The following FOXRED1 variants were observed in gnomAD, a reference collection of about 807,000 sequenced individuals.
FOXRED1 encodes the protein FAD dependent oxidoreductase domain containing 1.
A neutral mutation model predicts 57.8 loss-of-function variants in FOXRED1; 52 were observed. The observed-to-expected ratio is 0.90, with a 90% CI of 0.72 to 1.13. The LOEUF (loss-of-function observed/expected upper bound fraction) is 1.13, where lower values mean the gene tolerates loss of function less well. Among genes scored for constraint, FOXRED1 ranks in the 50% most tolerant of loss-of-function variants. FOXRED1 has a pLI of 0.00. For missense variants in FOXRED1, 589 were observed against 625.2 expected (o/e 0.94, Z 0.62); for synonymous variants, 271 against 248.3 (o/e 1.09, Z -0.86).
Position 126,274,999 on chromosome 11 carries a change from G to A in FOXRED1, c.609G>A (p.Glu203=). 2.5e-6 allele frequency: 4 copies of A among 1,613,258 alleles called. No individual in the cohort carries two copies. The highest frequency in any genetic ancestry group is 2.5e-6 in the Non-Finnish European group (3 of 1,179,222). Residue 203 remains glutamate (E), a synonymous_variant, in exon 5 of 11, where the codon GAG becomes GAA. Coordinates refer to ENST00000263578, the MANE Select transcript of FOXRED1 (RefSeq NM_017547.4). The surrounding 1 kb of genome is among the most constrained non-coding windows in gnomAD (Gnocchi z 4.8). ...LRNKFPWINT[E]GVALASYGME... ...ACAAGTTTCCCTGGATAAACACAGA[G>A]GGAGTGGCTTTGGCGTCTTATGGTG...
intron 1 of FOXRED1, among the ~76,000 whole-genome samples, chr11:126,269,851 G>C (rs529665521): frequency 6.6e-6 from 1 of 151,978 alleles, no homozygotes; most frequent in East Asian, 1.9e-4. Context: ...GCTAGGTGTG[G>C]TGGTGGGCTC....
chr11:126,274,331 C>T lies in FOXRED1; in HGVS notation c.537-596C>T, dbSNP rs116038996. ...TGGATCCAGGCAGGAGTGGAGGGAA[C>T]AAGGTTACCACCTTGTTGTGAAAGT... On this transcript the variant is annotated intron_variant, in intron 4 of 10. Transcript: ENST00000263578. This position sits in a 1 kb window ranked among gnomAD's most constrained non-coding sequence, Gnocchi z 4.8. 545 of 170,288 alleles carry T rather than the reference C, an allele frequency of 3.2e-3. 2 individuals are homozygous for T. The highest frequency in any genetic ancestry group is 0.012 in the African/African-American group (517 of 41,794). 10.5% of individuals were successfully genotyped at this position (170,288 alleles called of 1,614,324 possible).
rs536400690 is a variant in FOXRED1, at chr11:126,275,327, G to C, written c.632G>C (p.Gly211Ala). Residue 211 changes from glycine to alanine, a missense_variant and splice_region_variant, in exon 6 of 11, where the codon GGG becomes GCG. By Grantham distance (60) the Gly-to-Ala change is moderately conservative (BLOSUM62 0). Coordinates refer to ENST00000263578, the MANE Select transcript of FOXRED1 (RefSeq NM_017547.4). The surrounding 1 kb of genome is among the most constrained non-coding windows in gnomAD (Gnocchi z 5.9). ...NTEGVALASY[G>A]MEDEGWFDPW... The stretch of plus-strand genomic sequence containing the variant: ...GTGAGTTCTCTTTTTCTTATCACAG[G>C]GATGGAGGACGAAGGTTGGTTTGAC... 236 of 1,607,868 alleles carry C rather than the reference G, an allele frequency of 1.5e-4. 2 individuals are homozygous for C. In the South Asian group the frequency reaches 2.4e-3, roughly 16 times the overall value.
At position 126,271,943 on chromosome 11, in the gene FOXRED1, T is replaced by C. The variant is rs1228061359; in HGVS notation, c.306+286T>C. The C allele has an allele frequency of 4.9e-6, 2 of 410,646 alleles. No homozygotes were observed. The highest frequency in any genetic ancestry group is 3.7e-5 in the Admixed American group (1 of 27,150). 25.4% of individuals were successfully genotyped at this position (410,646 alleles called of 1,614,324 possible). A position where few individuals can be genotyped will look rare whatever the true frequency, so the allele number is the denominator to read the frequency against. ...ATGAGAGCCTGCATTCAAGCTATAATTAAGTGTCTCAATTTTCTCTTTTTT... is the reference window on the plus strand; with the variant it reads ...ATGAGAGCCTGCATTCAAGCTATAACTAAGTGTCTCAATTTTCTCTTTTTT... On this transcript the variant is annotated intron_variant, in intron 2 of 10. Transcript: ENST00000263578. The surrounding 1 kb of genome is among the most constrained non-coding windows in gnomAD (Gnocchi z 5.3).
Position 126,277,377 on chromosome 11 carries a change from T to C in FOXRED1, c.1207-58T>C. 1 of 1,600,270 alleles carries C rather than the reference T, an allele frequency of 6.2e-7. No individual in the cohort carries two copies. Among genetic ancestry groups the C allele is most frequent in the Non-Finnish European group, 8.6e-7 (1 of 1,169,536 alleles). ...ACTCTGTGCTGAGCCCTGAGGGGAG[T>C]GAGGATGGAGTGTGGCTACAGCCTT... On this transcript the variant is annotated intron_variant, in intron 10 of 10. Transcript: ENST00000263578. The surrounding 1 kb of genome is among the most constrained non-coding windows in gnomAD (Gnocchi z 6.8).
rs149883459 is a variant in FOXRED1 at position 126,269,216 on chromosome 11, A to C, written c.10A>C (p.Arg4=). 6.8e-6 allele frequency: 11 copies of C among 1,613,422 alleles called. No individual in the cohort carries two copies. In the African/African-American group the frequency reaches 9.3e-5, roughly 14 times the overall value. The change falls in exon 1 of 11, where the codon AGG becomes CGG. Residue 4 remains arginine, a synonymous_variant. Coordinates refer to ENST00000263578, the MANE Select transcript of FOXRED1 (RefSeq NM_017547.4). The part of the protein sequence containing the change: MIR[R]VLPHGMGRGL... The stretch of plus-strand genomic sequence containing the variant: ...CGGGCTCAGAGGGGTTATGATTCGG[A>C]GGGTTCTGCCGCACGGCATGGGCCG...
chr11:126,276,705 G>A (rs1050170082), intron 9 of FOXRED1, among the ~76,000 whole-genome samples, 182 bp downstream of exon 9: 5 of 151,658 alleles, frequency 3.3e-5, no homozygotes, highest in African/African-American at 7.3e-5. Flanking sequence ...GCAAAACCCC[G>A]TCTCTACTAA....
chr11:126,273,056 G>T lies in FOXRED1; in HGVS notation c.394G>T (p.Ala132Ser). Residue 132 changes from alanine (A) to serine (S), a missense_variant, in exon 3 of 11, where the codon GCC becomes TCC. Coordinates refer to ENST00000263578, the MANE Select transcript of FOXRED1 (RefSeq NM_017547.4). The surrounding 1 kb of genome is among the most constrained non-coding windows in gnomAD (Gnocchi z 5.9). ...PENIQLSLFSASFLRNINEYL... is the reference protein window; with the variant it reads ...PENIQLSLFSSSFLRNINEYL... ...GAACATCCAGCTCTCCCTCTTTTCA[G>T]CCAGCTTTCTACGGAACATCAATGT... 6.3e-7 allele frequency: 1 copy of T among 1,595,212 alleles called. No individual in the cohort carries two copies. Among genetic ancestry groups the T allele is most frequent in the Non-Finnish European group, 8.6e-7 (1 of 1,162,752 alleles).
rs1951052090 is a variant in FOXRED1 at position 126,273,602 on chromosome 11, C to T, written c.536+148C>T. 1.4e-6 allele frequency: 1 copy of T among 697,162 alleles called. No homozygotes were observed. Among genetic ancestry groups the T allele is most frequent in the African/African-American group, 1.7e-5 (1 of 57,278 alleles). The allele number at this position is 697,162 out of a possible 1,614,324, so 43.2% of individuals were successfully genotyped here. ...TGTGTCAGGAAGAAAATACACAGAC[C>T]TGCAATGCCCTGGGAGTGCTGTACC... On this transcript the variant is annotated intron_variant, in intron 4 of 10. Transcript: ENST00000263578. The surrounding 1 kb of genome is among the most constrained non-coding windows in gnomAD (Gnocchi z 5.9).
Position 126,273,980 on chromosome 11 carries a change from G to T in FOXRED1, c.536+526G>T. 1 of 182,704 alleles carries T rather than the reference G, an allele frequency of 5.5e-6. No individual in the cohort carries two copies. Among genetic ancestry groups the T allele is most frequent in the Non-Finnish European group, 1.2e-5 (1 of 84,762 alleles). 11.3% of individuals were successfully genotyped at this position (182,704 alleles called of 1,614,324 possible). A position where few individuals can be genotyped will look rare whatever the true frequency, so the allele number is the denominator to read the frequency against. On this transcript the variant is annotated intron_variant, in intron 4 of 10. Coordinates refer to ENST00000263578, the MANE Select transcript of FOXRED1 (RefSeq NM_017547.4). The surrounding 1 kb of genome is among the most constrained non-coding windows in gnomAD (Gnocchi z 5.9). ...TAAGTGATTCTCATGGTCAGGTGAG[G>T]GTGGGCATGTTTGTGATGCAATATG...
rs201241547 is a variant in FOXRED1, at chr11:126,277,217, T to C, written c.1206+42T>C. ...GGTTTTCCTTTTTATTTTTGGACAT[T>C]GGATGGGACAGATGACAGTGGAGCA... On this transcript the variant is annotated intron_variant, in intron 10 of 10. Coordinates refer to ENST00000263578, the MANE Select transcript of FOXRED1 (RefSeq NM_017547.4). The surrounding 1 kb of genome is among the most constrained non-coding windows in gnomAD (Gnocchi z 6.8). 15 of 1,369,676 alleles carry C rather than the reference T, an allele frequency of 1.1e-5. No homozygotes were observed. In the African/African-American group the frequency reaches 1.4e-4, roughly 13 times the overall value. 84.8% of individuals were successfully genotyped at this position (1,369,676 alleles called of 1,614,324 possible). A position where few individuals can be genotyped will look rare whatever the true frequency, so the allele number is the denominator to read the frequency against.
Position 126,277,025 on chromosome 11 carries a change from C to G in FOXRED1, c.1102-46C>G, listed in dbSNP as rs758390779. 1 of 1,186,946 alleles carries G rather than the reference C, an allele frequency of 8.4e-7. No homozygotes were observed. The highest frequency in any genetic ancestry group is 1.2e-5 in the South Asian group (1 of 82,608). The allele number at this position is 1,186,946 out of a possible 1,614,324, so 73.5% of individuals were successfully genotyped here. A position where few individuals can be genotyped will look rare whatever the true frequency, so the allele number is the denominator to read the frequency against. On this transcript the variant is annotated intron_variant, in intron 9 of 10. Coordinates refer to ENST00000263578, the MANE Select transcript of FOXRED1 (RefSeq NM_017547.4). The surrounding 1 kb of genome is among the most constrained non-coding windows in gnomAD (Gnocchi z 6.8). ...ATTGTTAAACAAGTCTGGGCCTGTCCTTGTGTCCCAGGCAATGTAAGCGTT... is the reference window on the plus strand; with the variant it reads ...ATTGTTAAACAAGTCTGGGCCTGTCGTTGTGTCCCAGGCAATGTAAGCGTT...
chr11:126,274,728 A>C lies in FOXRED1; in HGVS notation c.537-199A>C. On this transcript the variant is annotated intron_variant, in intron 4 of 10. Transcript: ENST00000263578. This position sits in a 1 kb window ranked among gnomAD's most constrained non-coding sequence, Gnocchi z 4.8. Reference sequence around the variant, plus strand: ...AAGGGAGACAAGGGAGTAGGGAAGGAAAGGCAGTCAAGGCTGAAGAGCCTG... The same window carrying C: ...AAGGGAGACAAGGGAGTAGGGAAGGCAAGGCAGTCAAGGCTGAAGAGCCTG... 1.6e-6 allele frequency: 1 copy of C among 631,486 alleles called. No homozygotes were observed. The highest frequency in any genetic ancestry group is 2.9e-6 in the Non-Finnish European group (1 of 345,474). 39.1% of individuals were successfully genotyped at this position (631,486 alleles called of 1,614,324 possible). A position where few individuals can be genotyped will look rare whatever the true frequency, so the allele number is the denominator to read the frequency against.
intron 9 of FOXRED1, 38 bp downstream of exon 9, chr11:126,276,561 A>G: frequency 1.3e-6 from 2 of 1,593,002 alleles, no homozygotes; most frequent in Non-Finnish European, 8.6e-7. Flanking sequence ...GCAAGGAGAC[A>G]TAGAATAATT....
rs570850375 is a variant in FOXRED1, at chr11:126,277,430, C to T, written c.1207-5C>T. 27 of 1,612,902 alleles carry T rather than the reference C, an allele frequency of 1.7e-5. No homozygotes were observed. Among genetic ancestry groups the T allele is most frequent in the South Asian group, 8.8e-5 (8 of 91,066 alleles). On this transcript the variant is annotated splice_polypyrimidine_tract_variant and splice_region_variant and intron_variant, in intron 10 of 10. Transcript: ENST00000263578. The surrounding 1 kb of genome is among the most constrained non-coding windows in gnomAD (Gnocchi z 6.8). Reference sequence around the variant, plus strand: ...CGAGAACCCCAGTGTTTTGTGCACCCGCAGGTTCAGAGCGCCTGGGCCGGC... The same window carrying T: ...CGAGAACCCCAGTGTTTTGTGCACCTGCAGGTTCAGAGCGCCTGGGCCGGC...
At position 126,271,369 on chromosome 11, in the gene FOXRED1, C is replaced by T. The variant is rs1375519349; in HGVS notation, c.86-68C>T. 8.5e-7 allele frequency: 1 copy of T among 1,177,120 alleles called. No homozygotes were observed. Among genetic ancestry groups the T allele is most frequent in the Non-Finnish European group, 1.3e-6 (1 of 782,486 alleles). The allele number at this position is 1,177,120 out of a possible 1,614,324, so 72.9% of individuals were successfully genotyped here. A position where few individuals can be genotyped will look rare whatever the true frequency, so the allele number is the denominator to read the frequency against. ...TGTTTAGCTCACCTTTTCCTGTGCC[C>T]ATCCTCCAACCCCCCAACCATGTGG... On this transcript the variant is annotated intron_variant, in intron 1 of 10. Coordinates refer to ENST00000263578, the MANE Select transcript of FOXRED1 (RefSeq NM_017547.4). The surrounding 1 kb of genome is among the most constrained non-coding windows in gnomAD (Gnocchi z 5.3).
Position 126,277,736 on chromosome 11 carries a change from T to C in FOXRED1, c.*47T>C. ...TCCACTGGCTTGCATCCTGGCTGTG[T>C]TCACAGCCTTGTTTGCTGCTTCCAT... On this transcript the variant is annotated 3_prime_UTR_variant, in exon 11 of 11. Transcript: ENST00000263578. The surrounding 1 kb of genome is among the most constrained non-coding windows in gnomAD (Gnocchi z 6.8). 5 of 1,596,796 alleles carry C rather than the reference T, an allele frequency of 3.1e-6. No homozygotes were observed. The highest frequency in any genetic ancestry group is 4.3e-6 in the Non-Finnish European group (5 of 1,165,450).
At chr11:126,270,036 T>C (rs968793821) in intron 1 of FOXRED1, among the ~76,000 whole-genome samples, 5 of 151,698 alleles carry the variant, frequency 3.3e-5, no homozygotes, top group African/African-American at 1.2e-4. Flanking sequence ...ACTTAATGCT[T>C]TGCACTGCTA....
Position 126,277,321 on chromosome 11 carries a change from C to T in FOXRED1, c.1207-114C>T. 7.3e-7 allele frequency: 1 copy of T among 1,363,954 alleles called. No individual in the cohort carries two copies. The highest frequency in any genetic ancestry group is 1.7e-5 in the Admixed American group (1 of 59,658). 84.5% of individuals were successfully genotyped at this position (1,363,954 alleles called of 1,614,324 possible). A position where few individuals can be genotyped will look rare whatever the true frequency, so the allele number is the denominator to read the frequency against. On this transcript the variant is annotated intron_variant, in intron 10 of 10. Coordinates refer to ENST00000263578, the MANE Select transcript of FOXRED1 (RefSeq NM_017547.4). This position sits in a 1 kb window ranked among gnomAD's most constrained non-coding sequence, Gnocchi z 6.8. ...AAGGAATTTCTTGGACACATCCCAT[C>T]CCATAGACCCCTCAGCAGCAGGTAG...
Sources: gnomAD v4.1 joint callset for allele counts (sites outside exome capture counted in the v4.1 genomes callset) on GRCh38, gnomAD v4.1.1 for gene constraint, Gnocchi (gnomAD v3.1) non-coding constraint, MANE v1.5 for transcripts, NCBI Gene and HGNC (gene_info 2026-07-23, HGNC 2026-07-21) for gene names.